Variants in GNAQ observed in about 807,000 individuals in gnomAD.
The protein encoded by GNAQ is guanine nucleotide-binding protein G(q) subunit alpha.
Under a neutral mutation model 43.9 loss-of-function variants are expected in GNAQ, and 8 were observed. The ratio of observed to expected loss-of-function variants is 0.18; its 90% CI spans 0.11 to 0.33. The LOEUF is 0.33. Among genes scored for constraint, GNAQ ranks in the 10% least tolerant of loss-of-function variants. GNAQ has a pLI of 1.00. For missense variants in GNAQ, 158 were observed against 450.8 expected, an observed-to-expected ratio of 0.35 and a Z score of 5.88; for synonymous variants, 155 against 170.7, an observed-to-expected ratio of 0.91 and a Z score of 0.71.
At chr9:77,986,560 C>T (rs1398377895) in intron 1 of GNAQ, among the ~76,000 whole-genome samples, 4 of 152,144 alleles carry the variant, frequency 2.6e-5, no homozygotes, top group Non-Finnish European at 4.4e-5. Flanking sequence ...GGCTAGAGTG[C>T]AGTGGCATGA....
At chr9:77,983,130 T>C (rs1238075729) in intron 1 of GNAQ, among the ~76,000 whole-genome samples, 20 of 152,160 alleles carry the variant, frequency 1.3e-4, no homozygotes, top group Non-Finnish European at 1.5e-5. Context: ...AGGGCTGAAG[T>C]AACTGTGGAA....
intron 2 of GNAQ, among the ~76,000 whole-genome samples, chr9:77,817,750 G>A (rs1487630214): frequency 6.6e-6 from 1 of 152,142 alleles, no homozygotes; most frequent in Non-Finnish European, 1.5e-5. Flanking sequence ...CAATAACTGA[G>A]AATATAGAAC....
chr9:77,802,332 G>T (rs1826756446), intron 3 of GNAQ, among the ~76,000 whole-genome samples: 1 of 152,092 alleles, frequency 6.6e-6, no homozygotes, highest in Non-Finnish European at 1.5e-5. Flanking sequence ...TTTCACATCT[G>T]CCAGGGAAAA....
At position 77,986,415 on chromosome 9, in the gene GNAQ, T is replaced by C. The variant is rs74607174; in HGVS notation, c.136+44685A>G. 2.0e-4 allele frequency among the ~76,000 whole-genome samples: 31 copies of C among 152,302 alleles called. No homozygotes were observed. The East Asian group carries it at 6.0e-3, about 29-fold the overall frequency. On this transcript the variant is annotated intron_variant, in intron 1 of 6. Transcript: ENST00000286548. ...TAAAAGCAGCAACCCTCAAACCTAA[T>C]CAAAGCTCAAACCTTAAGCCTCAGT...
intron 1 of GNAQ, among the ~76,000 whole-genome samples, chr9:77,963,455 T>A (rs1301901194): frequency 1.3e-5 from 2 of 152,060 alleles, no homozygotes; most frequent in Non-Finnish European, 2.9e-5. Context: ...CGTGGAAATT[T>A]TAAACAACTA....
At chr9:77,728,387 G>T in intron 6 of GNAQ, 127 bp downstream of exon 6, 1 of 710,820 alleles carries the variant, frequency 1.4e-6, no homozygotes, top group Non-Finnish European at 2.5e-6. Flanking sequence ...TACTGTATCA[G>T]TTTCAACACG....
intron 1 of GNAQ, among the ~76,000 whole-genome samples, chr9:77,957,131 G>A (rs897772450): frequency 2.6e-5 from 4 of 152,172 alleles, no homozygotes; most frequent in African/African-American, 4.8e-5. Context: ...GGCCGAGGCA[G>A]GCGGTCACGA....
At chr9:77,951,992 C>T (rs1361339681) in intron 1 of GNAQ, among the ~76,000 whole-genome samples, 2 of 152,198 alleles carry the variant, frequency 1.3e-5, no homozygotes, top group African/African-American at 2.4e-5. Flanking sequence ...TACCCTCATT[C>T]CGTCTAGCTT....
At chr9:77,809,126 T>A (rs1191386324) in intron 3 of GNAQ, among the ~76,000 whole-genome samples, 1 of 152,164 alleles carries the variant, frequency 6.6e-6, no homozygotes, top group East Asian at 1.9e-4. Flanking sequence ...TCAAAAAATG[T>A]AAGCATGCGT....
chr9:77,966,010 C>T (rs550758050), intron 1 of GNAQ, among the ~76,000 whole-genome samples: 4 of 152,110 alleles, frequency 2.6e-5, no homozygotes, highest in Non-Finnish European at 4.4e-5. Flanking sequence ...CAAAAAGGAG[C>T]GAACTATTGA....
At chr9:77,986,528 C>T (rs1164045018) in intron 1 of GNAQ, among the ~76,000 whole-genome samples, 3 of 152,128 alleles carry the variant, frequency 2.0e-5, no homozygotes, top group East Asian at 1.9e-4. Context: ...TGTTTTGGGA[C>T]AGGGTCTCGT....
intron 1 of GNAQ, among the ~76,000 whole-genome samples, chr9:77,982,770 G>GGAA (rs1823384022): frequency 6.6e-6 from 1 of 150,556 alleles, no homozygotes; most frequent in South Asian, 2.1e-4. Context: ...CACAGGAAGG[G>GGAA]GAACATCACA....
At chr9:77,788,128 T>C (rs774689888) in intron 5 of GNAQ, among the ~76,000 whole-genome samples, 2 of 152,138 alleles carry the variant, frequency 1.3e-5, no homozygotes, top group African/African-American at 2.4e-5. Context: ...ATAATTTCCA[T>C]ATGTGTAACA....
At chr9:77,777,220 A>C (rs1826317676) in intron 5 of GNAQ, among the ~76,000 whole-genome samples, 1 of 152,152 alleles carries the variant, frequency 6.6e-6, no homozygotes, top group South Asian at 2.1e-4. Context: ...TACCATATAA[A>C]GATGGTCCTA....
rs1387927134 is a variant in GNAQ at position 78,031,505 on chromosome 9, C to T, written c.-270G>A. 1.2e-5 allele frequency: 2 copies of T among 163,800 alleles called. No individual in the cohort carries two copies. The highest frequency in any genetic ancestry group is 2.7e-5 in the Non-Finnish European group (2 of 75,078). The allele number at this position is 163,800 out of a possible 1,614,324, so 10.1% of individuals were successfully genotyped here. On this transcript the variant is annotated 5_prime_UTR_variant, in exon 1 of 7. Coordinates refer to ENST00000286548, the MANE Select transcript of GNAQ (RefSeq NM_002072.5). ...GAGGCGGGCGCTGGCTCGGGGGGCG[C>T]GTGAGAGAAGGCCGCCGCGCCCGGC...
chr9:77,811,925 A>G (rs1826934564), intron 3 of GNAQ, among the ~76,000 whole-genome samples: 1 of 152,196 alleles, frequency 6.6e-6, no homozygotes, highest in South Asian at 2.1e-4. Context: ...AAGTAAAGAG[A>G]GTATTCTACA....
intron 2 of GNAQ, among the ~76,000 whole-genome samples, chr9:77,855,814 T>C (rs1827745535): frequency 6.6e-6 from 1 of 152,098 alleles, no homozygotes; most frequent in African/African-American, 2.4e-5. Context: ...CTGGCTATAA[T>C]ATAACCAAAA....
At chr9:77,998,766 C>T (rs1381254218) in intron 1 of GNAQ, among the ~76,000 whole-genome samples, 2 of 152,002 alleles carry the variant, frequency 1.3e-5, no homozygotes, top group Non-Finnish European at 2.9e-5. Context: ...AATGTATTTA[C>T]TAACTGTATT....
intron 1 of GNAQ, among the ~76,000 whole-genome samples, chr9:77,977,111 T>C (rs557621762): frequency 8.5e-5 from 13 of 152,166 alleles, no homozygotes; most frequent in South Asian, 2.1e-4. Flanking sequence ...TGGGATTATT[T>C]AGAAATTAGG....
Sources: allele counts gnomAD v4.1 joint callset (sites outside exome capture counted in the v4.1 genomes callset), GRCh38; gene constraint gnomAD v4.1.1; transcripts MANE v1.5; gene names NCBI Gene and HGNC (gene_info 2026-07-23, HGNC 2026-07-21).